ARHGAP32: variants seen among roughly 807,000 people sequenced by gnomAD.
ARHGAP32 encodes Rho GTPase activating protein 32.
A neutral mutation model predicts 186.5 loss-of-function variants in ARHGAP32; 51 were observed. That is an observed-to-expected ratio of 0.27 (90% CI 0.22 to 0.35). The LOEUF is 0.35. Among genes scored for constraint, ARHGAP32 ranks in the 10% least tolerant of loss-of-function variants. The pLI, the probability that ARHGAP32 is intolerant of heterozygous loss-of-function variation, is 1.00. For synonymous variants in ARHGAP32, 950 were observed against 964.3 expected (o/e 0.99, Z 0.27); for missense variants, 2,186 against 2,623.5 (o/e 0.83, Z 3.64).
chr11:128,975,497 A>G (rs919055424), intron 20 of ARHGAP32, among the ~76,000 whole-genome samples: 2 of 152,284 alleles, frequency 1.3e-5, no homozygotes, highest in Middle Eastern at 6.8e-3. Context: ...CAATTAAAAA[A>G]TCTTCATAAT....
At chr11:129,172,234 C>T (rs186511876) in intron 1 of ARHGAP32, among the ~76,000 whole-genome samples, 162 of 152,262 alleles carry the variant, frequency 1.1e-3, no homozygotes, top group African/African-American at 3.6e-3. Flanking sequence ...AGAGGGCACC[C>T]TTGTCTTGTA....
At chr11:129,244,352 T>C (rs867776793) in intron 1 of ARHGAP32, among the ~76,000 whole-genome samples, 1 of 152,266 alleles carries the variant, frequency 6.6e-6, no homozygotes, top group Non-Finnish European at 1.5e-5. Flanking sequence ...GTTAGTTCCA[T>C]ATTTTGCACT....
At chr11:128,991,947 C>T (rs529425227) in intron 12 of ARHGAP32, among the ~76,000 whole-genome samples, 1 of 152,156 alleles carries the variant, frequency 6.6e-6, no homozygotes, top group South Asian at 2.1e-4. Context: ...ACTCATCAAT[C>T]ATGTATTTAT....
At chr11:129,173,988 G>A (rs945189481) in intron 1 of ARHGAP32, among the ~76,000 whole-genome samples, 4 of 152,254 alleles carry the variant, frequency 2.6e-5, no homozygotes, top group Non-Finnish European at 5.9e-5. Context: ...CAGCGTGAGC[G>A]ACGCAGAAGA....
chr11:129,271,587 A>G (rs961963825), intron 1 of ARHGAP32, among the ~76,000 whole-genome samples: 1 of 152,184 alleles, frequency 6.6e-6, no homozygotes, highest in African/African-American at 2.4e-5. Context: ...GCAAGGGGGA[A>G]AAAAGTCAGT....
chr11:129,063,797 T>G, intron 9 of ARHGAP32, 105 bp downstream of exon 9: 1 of 1,272,722 alleles, frequency 7.9e-7, no homozygotes, highest in African/African-American at 1.5e-5. Context: ...AAAAACCTGG[T>G]GCTTTTCATT....
chr11:129,152,688 C>G (rs1055098463), intron 2 of ARHGAP32, among the ~76,000 whole-genome samples: 2 of 152,014 alleles, frequency 1.3e-5, no homozygotes, highest in Admixed American at 6.6e-5. Context: ...ATCCAGTATC[C>G]CTTTATGATT....
chr11:129,177,158 C>A (rs556938209), intron 1 of ARHGAP32, among the ~76,000 whole-genome samples: 1 of 152,174 alleles, frequency 6.6e-6, no homozygotes, highest in African/African-American at 2.4e-5. Flanking sequence ...ACTACAAACA[C>A]CTCTACGCAA....
chr11:129,217,277 A>G (rs912212703), intron 1 of ARHGAP32, among the ~76,000 whole-genome samples: 14 of 152,130 alleles, frequency 9.2e-5, no homozygotes, highest in Non-Finnish European at 1.9e-4. Context: ...AGCTATTGTT[A>G]TAAGTAATCC....
At chr11:129,236,577 T>G (rs1036434131) in intron 1 of ARHGAP32, among the ~76,000 whole-genome samples, 12 of 152,206 alleles carry the variant, frequency 7.9e-5, no homozygotes, top group South Asian at 4.1e-4. Flanking sequence ...GCATTCACTT[T>G]TGGGTTCTCA....
At chr11:129,110,729 G>A (rs1440297170) in intron 5 of ARHGAP32, among the ~76,000 whole-genome samples, 1 of 151,834 alleles carries the variant, frequency 6.6e-6, no homozygotes, top group Non-Finnish European at 1.5e-5. Context: ...TTCATTTTCA[G>A]CTATTTCATT....
At chr11:128,996,660 A>T (rs1280557417) in intron 12 of ARHGAP32, among the ~76,000 whole-genome samples, 1 of 152,212 alleles carries the variant, frequency 6.6e-6, no homozygotes, top group African/African-American at 2.4e-5. Context: ...TCCATGTGAC[A>T]TGGTTCTAAA....
At chr11:129,171,756 C>T (rs536370328) in intron 1 of ARHGAP32, among the ~76,000 whole-genome samples, 14 of 152,240 alleles carry the variant, frequency 9.2e-5, no homozygotes, top group Non-Finnish European at 1.8e-4. Flanking sequence ...TAAATTACTT[C>T]AGGCAGTATG....
intron 11 of ARHGAP32, among the ~76,000 whole-genome samples, chr11:129,014,638 G>C (rs923981214): frequency 6.6e-6 from 1 of 152,212 alleles, no homozygotes; most frequent in African/African-American, 2.4e-5. Context: ...GAATGTAGTA[G>C]TGGGAATATA....
intron 5 of ARHGAP32, among the ~76,000 whole-genome samples, chr11:129,094,781 C>T (rs1322180380): frequency 2.0e-5 from 3 of 152,140 alleles, no homozygotes; most frequent in Non-Finnish European, 4.4e-5. Context: ...TTTGCAAACG[C>T]GGTCCCAGAG....
At chr11:129,222,190 A>G (rs190432060) in intron 1 of ARHGAP32, among the ~76,000 whole-genome samples, 171 of 152,294 alleles carry the variant, frequency 1.1e-3, no homozygotes, top group African/African-American at 3.8e-3. Flanking sequence ...TCCCTCATCA[A>G]GAAGAAACGT....
At chr11:129,191,979 C>G in intron 1 of ARHGAP32, 104 bp downstream of exon 1, 1 of 845,512 alleles carries the variant, frequency 1.2e-6, no homozygotes, top group Non-Finnish European at 1.9e-6. Flanking sequence ...CCCCAGAAAA[C>G]AGAAAGTCTT....
chr11:129,005,387 C>T lies in ARHGAP32; in HGVS notation c.1046-6919G>A, dbSNP rs60384446. Reference sequence around the variant, plus strand: ...ATAATTTCTTATTGTTCATTAATGTCGTTTTCTTTCTGACTGAAGTATTCC... The same window carrying T: ...ATAATTTCTTATTGTTCATTAATGTTGTTTTCTTTCTGACTGAAGTATTCC... On this transcript the variant is annotated intron_variant, in intron 11 of 22. Coordinates refer to ENST00000682385, the MANE Select transcript of ARHGAP32 (RefSeq NM_001378024.1). Among the ~76,000 whole-genome samples, 873 of 152,142 alleles carry T rather than the reference C, an allele frequency of 5.7e-3. 11 individuals are homozygous for T. The highest frequency in any genetic ancestry group is 0.02 in the African/African-American group (819 of 41,524).
At chr11:129,209,386 C>T (rs1046040226) in intron 1 of ARHGAP32, among the ~76,000 whole-genome samples, 13 of 147,886 alleles carry the variant, frequency 8.8e-5, no homozygotes, top group African/African-American at 3.0e-4. Context: ...AACAAGAAGA[C>T]GGACAAAGAA....
Sources: allele counts gnomAD v4.1 joint callset (sites outside exome capture counted in the v4.1 genomes callset), GRCh38; gene constraint gnomAD v4.1.1; transcripts MANE v1.5; gene names NCBI Gene and HGNC (gene_info 2026-07-23, HGNC 2026-07-21).